The following MITF variants were observed in gnomAD, a reference collection of about 807,000 sequenced individuals.
MITF encodes melanocyte inducing transcription factor, also known as microphthalmia-associated transcription factor.
In MITF, 17 loss-of-function variants were observed where a neutral mutation model predicts 60.5. That is an observed-to-expected ratio of 0.28 (90% CI 0.19 to 0.42). The LOEUF (loss-of-function observed/expected upper bound fraction) is 0.42. Among genes scored for constraint, MITF ranks in the 10% least tolerant of loss-of-function variants. The pLI is 1.00. For missense variants in MITF, 622 were observed against 683.5 expected (o/e 0.91, Z 1.00); for synonymous variants, 260 against 248.5 (o/e 1.05, Z -0.43).
At chr3:69,761,618 G>T (rs915542534) in intron 1 of MITF, among the ~76,000 whole-genome samples, 2 of 152,186 alleles carry the variant, frequency 1.3e-5, no homozygotes, top group Non-Finnish European at 2.9e-5. Context: ...TCAGGGTGTG[G>T]TTGCACATTC....
rs1280740150 is a variant in MITF, at chr3:69,853,414, T to C, written c.105-25720T>C. ...GTATCCATTTCTTTACTTCCCTATA[T>C]GGCTTATTTTTTAACTTTTTCATTA... On this transcript the variant is annotated intron_variant, in intron 1 of 9. Transcript: ENST00000352241. 4.6e-5 allele frequency among the ~76,000 whole-genome samples: 7 copies of C among 152,292 alleles called. No individual in the cohort carries two copies. The East Asian group carries it at 1.2e-3, about 25-fold the overall frequency.
intron 1 of MITF, among the ~76,000 whole-genome samples, chr3:69,848,957 CTTTTTTTTTTTTT>C (rs55969316): frequency 1.1e-4 from 8 of 73,304 alleles, no homozygotes; most frequent in African/African-American, 1.0e-4. Flanking sequence ...AAAGATTCTT[CTTTTTTTTTTTTT>C]TTTTTTTTTT....
intron 1 of MITF, among the ~76,000 whole-genome samples, chr3:69,799,108 A>G (rs1459073911): frequency 6.6e-6 from 1 of 152,202 alleles, no homozygotes; most frequent in African/African-American, 2.4e-5. Context: ...GAGTGAATAA[A>G]TGAATGAATG....
chr3:69,948,969 C>A, intron 5 of MITF, 82 bp from the exon 6 acceptor site: 2 of 1,001,574 alleles, frequency 2.0e-6, no homozygotes, highest in Non-Finnish European at 3.2e-6. Flanking sequence ...TAAATAAATC[C>A]TAGAGTAGGA....
chr3:69,863,317 G>A (rs543960807), intron 1 of MITF, among the ~76,000 whole-genome samples: 118 of 152,242 alleles, frequency 7.8e-4, no homozygotes, highest in Non-Finnish European at 1.0e-3. Flanking sequence ...TTTAAGCCAA[G>A]CTTTGGTCCA....
chr3:69,942,413 T>C lies in MITF; in HGVS notation c.762+1082T>C, dbSNP rs1314830390. 2.0e-5 allele frequency among the ~76,000 whole-genome samples: 3 copies of C among 152,238 alleles called. No individual in the cohort carries two copies. The South Asian group carries it at 6.2e-4, about 32-fold the overall frequency. ...GGCCAAAGGACAAAATAACACTTAC[T>C]TAGGTACACCAGAATCCTCAGAAAA... On this transcript the variant is annotated intron_variant, in intron 5 of 9. Coordinates refer to ENST00000352241, the MANE Select transcript of MITF (RefSeq NM_001354604.2).
intron 1 of MITF, among the ~76,000 whole-genome samples, chr3:69,787,674 ACTTTTTTT>A (rs1315293381): frequency 1.3e-5 from 2 of 151,862 alleles, no homozygotes; most frequent in African/African-American, 2.4e-5. Context: ...AATTACCCTC[ACTTTTTTT>A]CTTTTTTTCT....
chr3:69,964,565 TTTCCCATACA>T lies in MITF; in HGVS notation c.1180-281_1180-272del, dbSNP rs1490100468. 2.1e-4 allele frequency among the ~76,000 whole-genome samples: 28 copies of T among 134,140 alleles called. 13 individuals carry two copies. Among genetic ancestry groups the T allele is most frequent in the South Asian group, 4.9e-4 (2 of 4,050 alleles). 88.0% of individuals were successfully genotyped at this position (134,140 alleles called of 152,430 possible). On this transcript the variant is annotated intron_variant, in intron 9 of 9. Coordinates refer to ENST00000352241, the MANE Select transcript of MITF (RefSeq NM_001354604.2). ...TAAAATTGAAATGAAGCTGCAGATATTTCCCATACACCTCATTCCCCCAAGCACGCACAGC... is the reference window on the plus strand; with the variant it reads ...TAAAATTGAAATGAAGCTGCAGATATCCTCATTCCCCCAAGCACGCACAGC...
At chr3:69,858,153 A>G (rs1209778924) in intron 1 of MITF, among the ~76,000 whole-genome samples, 21 of 152,092 alleles carry the variant, frequency 1.4e-4, no homozygotes, top group Admixed American at 1.2e-3. Context: ...TTAATTTAAA[A>G]TATTGGTTAT....
intron 1 of MITF, among the ~76,000 whole-genome samples, chr3:69,743,453 G>A (rs1703607538): frequency 6.6e-6 from 1 of 152,108 alleles, no homozygotes; most frequent in African/African-American, 2.4e-5. Context: ...TTGTTCATTG[G>A]GGCTAACCTC....
At chr3:69,851,495 C>T (rs531366236) in intron 1 of MITF, among the ~76,000 whole-genome samples, 5 of 152,146 alleles carry the variant, frequency 3.3e-5, no homozygotes, top group African/African-American at 9.6e-5. Context: ...AACAAGCTAC[C>T]GATACCTGTA....
At chr3:69,751,194 T>G (rs1192539015) in intron 1 of MITF, among the ~76,000 whole-genome samples, 2 of 152,192 alleles carry the variant, frequency 1.3e-5, no homozygotes. Flanking sequence ...ACCAAACTGT[T>G]TTTCACAAAA....
intron 1 of MITF, among the ~76,000 whole-genome samples, chr3:69,835,044 A>G (rs1403747390): frequency 1.7e-5 from 2 of 121,052 alleles, no homozygotes; most frequent in Admixed American, 9.9e-5. Context: ...TTTTTGGCAA[A>G]GTCTCACTCT....
At chr3:69,874,826 T>G (rs2064317003) in intron 1 of MITF, among the ~76,000 whole-genome samples, 1 of 152,300 alleles carries the variant, frequency 6.6e-6, no homozygotes, top group East Asian at 1.9e-4. Flanking sequence ...GAATTTCTGA[T>G]ATTGTTAGGT....
rs749128710 is a variant in MITF at position 69,951,928 on chromosome 3, G to C, written c.955+42G>C. On this transcript the variant is annotated intron_variant, in intron 7 of 9. Coordinates refer to ENST00000352241, the MANE Select transcript of MITF (RefSeq NM_001354604.2). ...TATGTTCATGACATTTGATATTAAT[G>C]TTCCCCATATATCAAAAATGTTTCC... is the stretch of plus-strand genomic sequence containing the variant. The C allele has an allele frequency of 1.1e-5, 15 of 1,407,168 alleles. No homozygotes were observed. The Admixed American group carries it at 2.5e-4, about 24-fold the overall frequency. 87.2% of individuals were successfully genotyped at this position (1,407,168 alleles called of 1,614,324 possible).
rs566815209 is a variant in MITF at position 69,897,558 on chromosome 3, T to A, written c.354+18175T>A. On this transcript the variant is annotated intron_variant, in intron 2 of 9. Transcript: ENST00000352241. ...GTCATGCTGATTTATTTTCATAGGG[T>A]CTTTGGTTCCTTTCACACTACAATG... 5.3e-5 allele frequency among the ~76,000 whole-genome samples: 8 copies of A among 152,246 alleles called. No individual in the cohort carries two copies. The East Asian group carries it at 1.4e-3, about 26-fold the overall frequency.
intron 1 of MITF, among the ~76,000 whole-genome samples, chr3:69,792,199 C>T (rs2106917487): frequency 6.6e-6 from 1 of 152,310 alleles, no homozygotes; most frequent in South Asian, 2.1e-4. Context: ...GCCAACTGAA[C>T]TAAACTGTGT....
intron 1 of MITF, among the ~76,000 whole-genome samples, chr3:69,787,297 A>G (rs951911656): frequency 3.3e-5 from 5 of 152,220 alleles, no homozygotes; most frequent in Non-Finnish European, 7.3e-5. Context: ...CTAGAGGAAA[A>G]TCAGGGTAGT....
chr3:69,936,237 A>C (rs1559731209), intron 2 of MITF, among the ~76,000 whole-genome samples: 1 of 152,196 alleles, frequency 6.6e-6, no homozygotes, highest in Non-Finnish European at 1.5e-5. Flanking sequence ...CCATTGGAAA[A>C]GTCTCATGTA....
Sources: gnomAD v4.1 joint callset for allele counts (sites outside exome capture counted in the v4.1 genomes callset) on GRCh38, gnomAD v4.1.1 for gene constraint, MANE v1.5 for transcripts, NCBI Gene and HGNC (gene_info 2026-07-23, HGNC 2026-07-21) for gene names.